PRKD1: variants seen among roughly 807,000 people sequenced by gnomAD.
The protein encoded by PRKD1 is protein kinase D1, also known as serine/threonine-protein kinase D1.
A neutral mutation model predicts 95.9 loss-of-function variants in PRKD1; 63 were observed. The observed-to-expected ratio is 0.66, with a 90% CI of 0.54 to 0.81. The LOEUF (loss-of-function observed/expected upper bound fraction) is 0.81, where lower values mean the gene tolerates loss of function less well. Among genes scored for constraint, PRKD1 ranks in the 30% least tolerant of loss-of-function variants. The pLI, the probability that PRKD1 is intolerant of heterozygous loss-of-function variation, is 0.00. For synonymous variants in PRKD1, 425 were observed against 423.1 expected (o/e 1.00, Z -0.05); for missense variants, 1,048 against 1,165.3 (o/e 0.90, Z 1.47).
At chr14:29,590,492 T>C (rs1893089597) in intron 16 of PRKD1, among the ~76,000 whole-genome samples, 1 of 152,160 alleles carries the variant, frequency 6.6e-6, no homozygotes, top group Non-Finnish European at 1.5e-5. Flanking sequence ...ATGAACTCGG[T>C]GGATGTGAGA....
chr14:29,590,888 C>T (rs1383547281), intron 16 of PRKD1, among the ~76,000 whole-genome samples: 4 of 152,158 alleles, frequency 2.6e-5, no homozygotes, highest in African/African-American at 7.2e-5. Context: ...AAGCAATTCT[C>T]CTGCCTCAGC....
intron 1 of PRKD1, among the ~76,000 whole-genome samples, chr14:29,892,164 T>G (rs1032368925): frequency 6.6e-6 from 1 of 152,190 alleles, no homozygotes; most frequent in Non-Finnish European, 1.5e-5. Context: ...TTCTTCAACA[T>G]ATTAATTTCC....
At chr14:29,927,189 C>A in intron 1 of PRKD1, 60 bp downstream of exon 1, 2 of 1,408,158 alleles carry the variant, frequency 1.4e-6, no homozygotes, top group Non-Finnish European at 1.9e-6. Context: ...AGAGGGCCAG[C>A]CGGGCAGCGC....
chr14:29,865,929 T>C (rs1394432909), intron 1 of PRKD1, among the ~76,000 whole-genome samples: 1 of 152,166 alleles, frequency 6.6e-6, no homozygotes, highest in African/African-American at 2.4e-5. Context: ...GATACAATAA[T>C]AATTGACAAT....
At chr14:29,924,710 C>T (rs1036297569) in intron 1 of PRKD1, among the ~76,000 whole-genome samples, 1 of 152,078 alleles carries the variant, frequency 6.6e-6, no homozygotes, top group African/African-American at 2.4e-5. Flanking sequence ...CATCCAATCC[C>T]CAAACTCCTG....
intron 1 of PRKD1, among the ~76,000 whole-genome samples, chr14:29,888,297 A>G (rs1408317052): frequency 6.6e-6 from 1 of 152,050 alleles, no homozygotes; most frequent in Non-Finnish European, 1.5e-5. Flanking sequence ...AGAAAGAGAG[A>G]AAGAGAGAAA....
chr14:29,850,719 A>G (rs866116033), intron 1 of PRKD1, among the ~76,000 whole-genome samples: 35 of 152,234 alleles, frequency 2.3e-4, no homozygotes, highest in Non-Finnish European at 8.8e-5. Flanking sequence ...TGAATTAAAA[A>G]AAACCTATTC....
intron 2 of PRKD1, among the ~76,000 whole-genome samples, chr14:29,709,941 C>A (rs752750226): frequency 2.0e-5 from 3 of 152,124 alleles, no homozygotes; most frequent in Non-Finnish European, 4.4e-5. Context: ...CAAGTTGACA[C>A]AAAATTAGCA....
intron 4 of PRKD1, chr14:29,657,629 G>T (rs569711241): frequency 1.3e-5 from 2 of 152,622 alleles, no homozygotes; most frequent in East Asian, 3.9e-4. Flanking sequence ...CACTTTGGGA[G>T]GCCGAGGCAG....
At chr14:29,596,883 A>G (rs1445806681) in intron 16 of PRKD1, among the ~76,000 whole-genome samples, 8 of 152,194 alleles carry the variant, frequency 5.3e-5, no homozygotes, top group African/African-American at 1.9e-4. Context: ...GGAAATATTT[A>G]TTAAGAATAT....
At chr14:29,919,235 T>C (rs1246286975) in intron 1 of PRKD1, among the ~76,000 whole-genome samples, 1 of 152,232 alleles carries the variant, frequency 6.6e-6, no homozygotes, top group East Asian at 1.9e-4. Flanking sequence ...AGCTACTATA[T>C]CAATTGTCTG....
chr14:29,636,226 G>T, intron 7 of PRKD1, 64 bp downstream of exon 7: 1 of 1,553,192 alleles, frequency 6.4e-7, no homozygotes, highest in Non-Finnish European at 8.9e-7. Context: ...ATATCAAAGA[G>T]GTTTAAAGAG....
At chr14:29,920,730 C>T (rs1895071977) in intron 1 of PRKD1, among the ~76,000 whole-genome samples, 1 of 152,058 alleles carries the variant, frequency 6.6e-6, no homozygotes, top group South Asian at 2.1e-4. Flanking sequence ...ACTTCCATGA[C>T]AGATAAGTGG....
At chr14:29,786,522 G>C (rs1566600941) in intron 1 of PRKD1, among the ~76,000 whole-genome samples, 1 of 152,020 alleles carries the variant, frequency 6.6e-6, no homozygotes, top group African/African-American at 2.4e-5. Flanking sequence ...CTCATTTCTT[G>C]CTAATGGTCT....
At chr14:29,661,217 T>C (rs1351778628) in intron 4 of PRKD1, among the ~76,000 whole-genome samples, 1 of 152,210 alleles carries the variant, frequency 6.6e-6, no homozygotes, top group African/African-American at 2.4e-5. Flanking sequence ...AAAATATAAC[T>C]TTCTCATATT....
At chr14:29,665,986 G>A in intron 3 of PRKD1, 91 bp downstream of exon 3, 2 of 1,382,202 alleles carry the variant, frequency 1.4e-6, no homozygotes, top group Non-Finnish European at 1.9e-6. Context: ...TGGGCACTTA[G>A]CTTTTACGTA....
intron 1 of PRKD1, among the ~76,000 whole-genome samples, chr14:29,776,517 A>G (rs1173616888): frequency 7.9e-5 from 12 of 152,222 alleles, no homozygotes; most frequent in Admixed American, 7.9e-4. Context: ...TCAGTACCCG[A>G]TTCAATCAAC....
intron 1 of PRKD1, among the ~76,000 whole-genome samples, chr14:29,793,897 A>G (rs1889688396): frequency 6.6e-6 from 1 of 152,064 alleles, no homozygotes; most frequent in Non-Finnish European, 1.5e-5. Context: ...CTAGGGTAGT[A>G]CCTTTTCTGA....
intron 16 of PRKD1, among the ~76,000 whole-genome samples, chr14:29,591,649 G>C: frequency 6.6e-6 from 1 of 152,146 alleles, no homozygotes; most frequent in East Asian, 1.9e-4. Context: ...TTTAAAATAA[G>C]CCATTATCAA....
Sources: allele counts gnomAD v4.1 joint callset (sites outside exome capture counted in the v4.1 genomes callset), GRCh38; gene constraint gnomAD v4.1.1; transcripts MANE v1.5; gene names NCBI Gene and HGNC (gene_info 2026-07-23, HGNC 2026-07-21).